Variants in FOXP1 observed in about 807,000 individuals in gnomAD.
The protein encoded by FOXP1 is forkhead box P1.
In FOXP1, 15 loss-of-function variants were observed where a neutral mutation model predicts 98.2. The ratio of observed to expected loss-of-function variants is 0.15; its 90% confidence interval spans 0.10 to 0.24. The LOEUF is 0.24. FOXP1 is among the 10% of genes least tolerant of loss of function. The probability of loss-of-function intolerance (pLI) is 1.00; values close to 1 mark genes in which losing one functional copy is unlikely to be tolerated. For missense variants in FOXP1, 633 were observed against 848.5 expected (o/e 0.75, Z 3.15); for synonymous variants, 371 against 314.5 (o/e 1.18, Z -1.90).
At chr3:71,234,265 A>T (rs2066588562) in intron 5 of FOXP1, among the ~76,000 whole-genome samples, 1 of 152,214 alleles carries the variant, frequency 6.6e-6, no homozygotes, top group Non-Finnish European at 1.5e-5. Flanking sequence ...AACACCTCAA[A>T]ACACAACGGA....
intron 7 of FOXP1, among the ~76,000 whole-genome samples, chr3:71,098,037 T>C (rs1044251618): frequency 2.0e-5 from 3 of 152,216 alleles, no homozygotes; most frequent in African/African-American, 7.2e-5. Flanking sequence ...CATTAGTTAT[T>C]TGTGCAAAGG....
chr3:71,055,061 T>C (rs2050434691), intron 7 of FOXP1, among the ~76,000 whole-genome samples: 1 of 152,158 alleles, frequency 6.6e-6, no homozygotes, highest in Non-Finnish European at 1.5e-5. Flanking sequence ...AAGGCAGAAA[T>C]GCAGTATTAA....
chr3:71,185,256 A>G (rs947774394), intron 6 of FOXP1, among the ~76,000 whole-genome samples: 2 of 152,168 alleles, frequency 1.3e-5, no homozygotes, highest in Non-Finnish European at 2.9e-5. Flanking sequence ...TGTGAGATAT[A>G]AGTGATCCAA....
chr3:71,054,504 T>G (rs1447414036), intron 7 of FOXP1, among the ~76,000 whole-genome samples: 1 of 152,222 alleles, frequency 6.6e-6, no homozygotes, highest in African/African-American at 2.4e-5. Flanking sequence ...TCTGAAAGGA[T>G]GATGTCTTGT....
At chr3:71,216,431 A>C (rs564762106) in intron 5 of FOXP1, among the ~76,000 whole-genome samples, 1 of 152,328 alleles carries the variant, frequency 6.6e-6, no homozygotes, top group South Asian at 2.1e-4. Context: ...CAACTCAAGA[A>C]TGTCCAAACA....
chr3:71,310,934 CT>C (rs2074638717), intron 4 of FOXP1, among the ~76,000 whole-genome samples: 2 of 152,210 alleles, frequency 1.3e-5, no homozygotes, highest in Non-Finnish European at 2.9e-5. Flanking sequence ...TGCAGCTGAA[CT>C]GATTCTGTTT....
chr3:71,543,819 T>A (rs978021544), intron 2 of FOXP1, among the ~76,000 whole-genome samples: 1 of 152,180 alleles, frequency 6.6e-6, no homozygotes, highest in Non-Finnish European at 1.5e-5. Context: ...CAAATACAAC[T>A]AACAAAGAAA....
chr3:71,269,261 A>G (rs77232539), intron 5 of FOXP1, among the ~76,000 whole-genome samples: 42 of 152,236 alleles, frequency 2.8e-4, no homozygotes, highest in African/African-American at 9.6e-4. Context: ...ATTTATGAAG[A>G]AACAGGTGAT....
intron 3 of FOXP1, among the ~76,000 whole-genome samples, chr3:71,468,653 T>A (rs761327915): frequency 2.0e-5 from 3 of 152,172 alleles, no homozygotes; most frequent in Non-Finnish European, 4.4e-5. Flanking sequence ...CACCCTTTCA[T>A]CATTGCCATG....
chr3:71,552,886 A>C (rs1453875423), intron 2 of FOXP1, among the ~76,000 whole-genome samples: 1 of 152,032 alleles, frequency 6.6e-6, no homozygotes, highest in Non-Finnish European at 1.5e-5. Context: ...TTCTTAGTAC[A>C]TACACCTGTA....
intron 3 of FOXP1, among the ~76,000 whole-genome samples, chr3:71,383,046 A>G (rs752647415): frequency 1.3e-5 from 2 of 152,234 alleles, no homozygotes; most frequent in African/African-American, 2.4e-5. Flanking sequence ...TTGTAACACC[A>G]AGTCAGGAAC....
chr3:71,455,735 A>G (rs999353050), intron 3 of FOXP1, among the ~76,000 whole-genome samples: 1 of 152,192 alleles, frequency 6.6e-6, no homozygotes, highest in African/African-American at 2.4e-5. Flanking sequence ...TTAAAGGATC[A>G]CACTTCCAAC....
intron 2 of FOXP1, chr3:71,573,748 C>G (rs1243509245): frequency 1.3e-5 from 2 of 152,078 alleles, no homozygotes; most frequent in African/African-American, 2.4e-5. Flanking sequence ...TAGATGTTAT[C>G]TGAAGATGCC....
rs2064672714 is a variant in FOXP1 at position 71,213,581 on chromosome 3, G to A, written c.-11-15189C>T. Among the ~76,000 whole-genome samples the A allele has an allele frequency of 2.0e-5, 3 of 152,264 alleles. No individual in the cohort carries two copies. The South Asian group carries it at 6.2e-4, about 32-fold the overall frequency. On this transcript the variant is annotated intron_variant, in intron 5 of 20. Transcript: ENST00000649528. ...CCTGTAATCCCAGCACTTTTGAGAG[G>A]CCGAGGCAGGCGGATCACAAGGTCA...
intron 2 of FOXP1, chr3:71,573,926 C>T (rs2047533042): frequency 6.6e-6 from 1 of 152,180 alleles, no homozygotes; most frequent in Non-Finnish European, 1.5e-5. Context: ...AAATGATTAA[C>T]ATTTCAACAA....
At chr3:71,036,379 C>T (rs1015157484) in intron 11 of FOXP1, among the ~76,000 whole-genome samples, 1 of 152,132 alleles carries the variant, frequency 6.6e-6, no homozygotes, top group Non-Finnish European at 1.5e-5. Flanking sequence ...CAGAGACTGC[C>T]CAACCACCAT....
At chr3:71,263,123 A>G (rs2069316967) in intron 5 of FOXP1, among the ~76,000 whole-genome samples, 1 of 152,120 alleles carries the variant, frequency 6.6e-6, no homozygotes, top group African/African-American at 2.4e-5. Context: ...GCCCTTCAGA[A>G]CACCTCTATA....
chr3:71,028,977 C>A (rs750474116), intron 11 of FOXP1, among the ~76,000 whole-genome samples: 1 of 152,148 alleles, frequency 6.6e-6, no homozygotes, highest in Non-Finnish European at 1.5e-5. Context: ...GTAATGTGAG[C>A]GATGGGGAGC....
chr3:70,964,919 C>T (rs1189796654), intron 20 of FOXP1, among the ~76,000 whole-genome samples: 2 of 152,136 alleles, frequency 1.3e-5, no homozygotes, highest in African/African-American at 2.4e-5. Flanking sequence ...CTAATTGTTA[C>T]AGGTCATAAT....
Sources: allele counts gnomAD v4.1 joint callset (sites outside exome capture counted in the v4.1 genomes callset), GRCh38; gene constraint gnomAD v4.1.1; transcripts MANE v1.5; gene names NCBI Gene and HGNC (gene_info 2026-07-23, HGNC 2026-07-21).